STON2: variants seen among roughly 807,000 people sequenced by gnomAD.
STON2 encodes stonin-2.
Under a neutral mutation model 65.7 loss-of-function variants are expected in STON2, and 29 were observed. That is an observed-to-expected ratio of 0.44 (90% CI 0.33 to 0.60). The LOEUF (loss-of-function observed/expected upper bound fraction) is 0.60, where lower values mean the gene tolerates loss of function less well. STON2 is among the 20% of genes least tolerant of loss of function. The pLI is 0.03. For synonymous variants in STON2, 404 were observed against 414.2 expected, an observed-to-expected ratio of 0.98 and a Z score of 0.30; for missense variants, 1,054 against 1,118.1, an observed-to-expected ratio of 0.94 and a Z score of 0.82.
At chr14:81,304,010 T>C (rs959397333) in intron 5 of STON2, among the ~76,000 whole-genome samples, 4 of 152,158 alleles carry the variant, frequency 2.6e-5, no homozygotes, top group Admixed American at 2.0e-4. Context: ...AACAACGGCA[T>C]GAGTTTTGCC....
At position 81,265,000 on chromosome 14, in the gene STON2, A is replaced by G. The variant is rs953480396; in HGVS notation, c.*3414T>C. ...CGTGATATCTAATTTATGTTCTAAG[A>G]GTAATACTATGTACTGGTAAAATGA... On this transcript the variant is annotated 3_prime_UTR_variant, in exon 8 of 8. Transcript: ENST00000614646. 2.0e-6 allele frequency: 2 copies of G among 982,610 alleles called. No homozygotes were observed. Among genetic ancestry groups the G allele is most frequent in the Non-Finnish European group, 2.4e-6 (2 of 827,446 alleles). 60.9% of individuals were successfully genotyped at this position (982,610 alleles called of 1,614,324 possible).
At chr14:81,312,961 C>G (rs775129665) in intron 5 of STON2, among the ~76,000 whole-genome samples, 7 of 152,324 alleles carry the variant, frequency 4.6e-5, no homozygotes, top group Non-Finnish European at 8.8e-5. Flanking sequence ...AAAGAAGGAC[C>G]CTTACAGGCA....
chr14:81,269,176 T>G, intron 7 of STON2: 2 of 300,522 alleles, frequency 6.7e-6, no homozygotes, highest in Non-Finnish European at 9.8e-6. Context: ...TGGCTAATTT[T>G]TGAATTTTTA....
chr14:81,366,129 G>GC (rs750993607), intron 4 of STON2, among the ~76,000 whole-genome samples: 37 of 152,122 alleles, frequency 2.4e-4, no homozygotes, highest in African/African-American at 8.2e-4. Context: ...CTCCAGCTCT[G>GC]CCCCCCCGCA....
intron 4 of STON2, among the ~76,000 whole-genome samples, chr14:81,365,709 C>A (rs1267422385): frequency 6.6e-6 from 1 of 151,946 alleles, no homozygotes; most frequent in African/African-American, 2.4e-5. Context: ...TGAGCCGAGA[C>A]CATGCCACTG....
At chr14:81,330,616 C>T (rs1897176376) in intron 4 of STON2, among the ~76,000 whole-genome samples, 1 of 152,180 alleles carries the variant, frequency 6.6e-6, no homozygotes, top group Non-Finnish European at 1.5e-5. Context: ...CTTGCCAAAG[C>T]TCCAAGAGAG....
chr14:81,312,012 C>T (rs1896444605), intron 5 of STON2, among the ~76,000 whole-genome samples: 1 of 152,160 alleles, frequency 6.6e-6, no homozygotes. Flanking sequence ...GCAGAATGGA[C>T]CTGTGTGTGT....
chr14:81,350,799 G>T (rs564967343), intron 4 of STON2, among the ~76,000 whole-genome samples: 1 of 152,032 alleles, frequency 6.6e-6, no homozygotes, highest in East Asian at 1.9e-4. Context: ...ATAAACACTC[G>T]CGGGGGTACT....
intron 5 of STON2, among the ~76,000 whole-genome samples, chr14:81,284,342 A>G (rs1895250060): frequency 6.6e-6 from 1 of 152,242 alleles, no homozygotes; most frequent in Admixed American, 6.5e-5. Context: ...GTGAATGCAA[A>G]GGAAAACTTC....
chr14:81,417,048 C>A (rs1223749998), intron 2 of STON2, among the ~76,000 whole-genome samples: 2 of 152,172 alleles, frequency 1.3e-5, no homozygotes, highest in African/African-American at 4.8e-5. Flanking sequence ...TTTCCCCCTT[C>A]CTCTTTTGTA....
intron 4 of STON2, among the ~76,000 whole-genome samples, chr14:81,325,530 A>G (rs1896975554): frequency 6.6e-6 from 1 of 152,190 alleles, no homozygotes; most frequent in Non-Finnish European, 1.5e-5. Context: ...AAAATTCTCT[A>G]TTATTCTTAA....
intron 2 of STON2, among the ~76,000 whole-genome samples, chr14:81,414,704 C>T (rs78023543): frequency 4.0e-5 from 6 of 151,878 alleles, no homozygotes; most frequent in Non-Finnish European, 8.8e-5. Flanking sequence ...CTCTGCCACT[C>T]GGGGAGGAGA....
chr14:81,288,384 T>A (rs1335166769), intron 5 of STON2, among the ~76,000 whole-genome samples: 1 of 152,210 alleles, frequency 6.6e-6, no homozygotes, highest in Non-Finnish European at 1.5e-5. Flanking sequence ...CTAGATAGTA[T>A]AACCTACTAT....
At chr14:81,327,527 A>T (rs918998202) in intron 4 of STON2, among the ~76,000 whole-genome samples, 1 of 152,152 alleles carries the variant, frequency 6.6e-6, no homozygotes, top group Non-Finnish European at 1.5e-5. Context: ...TTCCATCAAG[A>T]GGCAACTGGC....
In STON2 at chr14:81,265,100, A is replaced by G; in HGVS notation, c.*3314T>C. 1.0e-6 allele frequency: 1 copy of G among 985,082 alleles called. No individual in the cohort carries two copies. The highest frequency in any genetic ancestry group is 1.7e-5 in the African/African-American group (1 of 57,318). 61.0% of individuals were successfully genotyped at this position (985,082 alleles called of 1,614,324 possible). A position where few individuals can be genotyped will look rare whatever the true frequency, so the allele number is the denominator to read the frequency against. ...CACAAAAAAAAAAAATAAAAAGTCC[A>G]GGTCCAGGGTTGCAAAAGTAGAATC... is the stretch of plus-strand genomic sequence containing the variant. On this transcript the variant is annotated 3_prime_UTR_variant, in exon 8 of 8. Coordinates refer to ENST00000614646, the MANE Select transcript of STON2 (RefSeq NM_001394390.1).
chr14:81,303,743 G>A (rs563947554), intron 5 of STON2, among the ~76,000 whole-genome samples: 13 of 152,278 alleles, frequency 8.5e-5, no homozygotes, highest in African/African-American at 3.1e-4. Context: ...TATATTTACA[G>A]TTTATATGTG....
intron 6 of STON2, among the ~76,000 whole-genome samples, chr14:81,272,209 G>A (rs1418284076): frequency 6.6e-6 from 1 of 152,166 alleles, no homozygotes; most frequent in African/African-American, 2.4e-5. Context: ...GTGACAGTGT[G>A]AGACTCCGTC....
At chr14:81,285,664 C>G (rs924690654) in intron 5 of STON2, among the ~76,000 whole-genome samples, 10 of 152,178 alleles carry the variant, frequency 6.6e-5, no homozygotes, top group African/African-American at 2.4e-4. Context: ...GAATCTACTC[C>G]TGGTGAAGAT....
intron 4 of STON2, among the ~76,000 whole-genome samples, chr14:81,356,542 T>A (rs954970801): frequency 6.6e-6 from 1 of 152,150 alleles, no homozygotes; most frequent in Non-Finnish European, 1.5e-5. Context: ...TAGGGAGGAT[T>A]CCCTCTTTTT....
Sources: gnomAD v4.1 joint callset for allele counts (sites outside exome capture counted in the v4.1 genomes callset) on GRCh38, gnomAD v4.1.1 for gene constraint, MANE v1.5 for transcripts, NCBI Gene and HGNC (gene_info 2026-07-23, HGNC 2026-07-21) for gene names.